The following CFAP44 variants were observed in gnomAD, a reference collection of about 807,000 sequenced individuals.
The protein encoded by CFAP44 is cilia- and flagella-associated protein 44.
In CFAP44, 134 loss-of-function variants were observed where a neutral mutation model predicts 216.2. The observed-to-expected ratio is 0.62, with a 90% CI of 0.54 to 0.72. The LOEUF is 0.72. Ranked by LOEUF, CFAP44 falls within the 30% of genes least tolerant of loss-of-function variation. The pLI, the probability that CFAP44 is intolerant of heterozygous loss-of-function variation, is 0.00. For missense variants in CFAP44, 2,035 were observed against 2,182.1 expected (o/e 0.93, Z 1.34); for synonymous variants, 700 against 727.6 (o/e 0.96, Z 0.61).
chr3:113,419,984 T>C (rs567127048), intron 5 of CFAP44, 33 bp downstream of exon 5: 3 of 1,603,186 alleles, frequency 1.9e-6, no homozygotes, highest in East Asian at 2.2e-5. Context: ...ATAGGGTTTT[T>C]TGGGGTTTTT....
chr3:113,361,711 G>A (rs1950543216), intron 21 of CFAP44, among the ~76,000 whole-genome samples: 1 of 151,698 alleles, frequency 6.6e-6, no homozygotes, highest in Non-Finnish European at 1.5e-5. Context: ...TGTTAGCCAG[G>A]ATGCTCTCGA....
In CFAP44 at chr3:113,400,533, GTTCCTAC is replaced by G. The variant is rs1934112536; in HGVS notation, c.1474+5_1474+11del. On this transcript the variant is annotated splice_donor_5th_base_variant and intron_variant, in intron 12 of 34. Coordinates refer to ENST00000393845, the MANE Select transcript of CFAP44 (RefSeq NM_001164496.2). ...AAGGCCAGACATATTTTTATTAAGAGTTCCTACTTACAGTCCAAGGCAGTTGTGGCCA... is the reference window on the plus strand; with the variant it reads ...AAGGCCAGACATATTTTTATTAAGAGTTACAGTCCAAGGCAGTTGTGGCCA... 1 of 1,550,098 alleles carries G rather than the reference GTTCCTAC, an allele frequency of 6.5e-7. No individual in the cohort carries two copies. Among genetic ancestry groups the G allele is most frequent in the Non-Finnish European group, 8.7e-7 (1 of 1,150,988 alleles).
intron 1 of CFAP44, among the ~76,000 whole-genome samples, chr3:113,440,585 CTG>C (rs1396458809): frequency 1.3e-5 from 2 of 152,144 alleles, no homozygotes; most frequent in Admixed American, 6.6e-5. Context: ...CCAGTCCTCA[CTG>C]TGTCTCACCT....
chr3:113,373,339 T>C, intron 18 of CFAP44, 72 bp downstream of exon 18: 11 of 1,312,316 alleles, frequency 8.4e-6, no homozygotes, highest in Non-Finnish European at 1.1e-5. Flanking sequence ...AAATTGACAA[T>C]ATCCATGATG....
In CFAP44 at chr3:113,430,344, C is replaced by G. The variant is rs995685571; in HGVS notation, c.101-3005G>C. ...GCAGTCCTTGGAAGGAAATTTATAG[C>G]TTTCAATACATATGTAAGAAAAGAA... On this transcript the variant is annotated intron_variant, in intron 2 of 34. Transcript: ENST00000393845. Among the ~76,000 whole-genome samples, 5 of 147,640 alleles carry G rather than the reference C, an allele frequency of 3.4e-5. No homozygotes were observed. In the South Asian group the frequency reaches 1.1e-3, roughly 32 times the overall value.
At chr3:113,362,743 T>C in intron 21 of CFAP44, 1 of 348,000 alleles carries the variant, frequency 2.9e-6, no homozygotes, top group South Asian at 6.2e-5. Context: ...AAAGATCAAA[T>C]CGGGATGACG....
rs1179473842 is a variant in CFAP44 at position 113,400,636 on chromosome 3, G to T, written c.1383C>A (p.Asp461Glu). 6.2e-7 allele frequency: 1 copy of T among 1,609,564 alleles called. No individual in the cohort carries two copies. Among genetic ancestry groups the T allele is most frequent in the African/African-American group, 1.3e-5 (1 of 74,306 alleles). ...AATGGAAGGAGAAGAGGCATTCTGG[G>T]TCCTGGGTCTGAGAATAGATAGACA... is the stretch of plus-strand genomic sequence containing the variant. ...LDLSFSNITQ[D>E]PECLFSFHSG... The change falls in exon 12 of 35, where the codon GAC (aspartate) becomes GAA (glutamate). Residue 461 changes from aspartate to glutamate, a missense_variant. Transcript: ENST00000393845.
intron 18 of CFAP44, among the ~76,000 whole-genome samples, chr3:113,368,795 C>A (rs1269805400): frequency 6.6e-6 from 1 of 152,132 alleles, no homozygotes; most frequent in African/African-American, 2.4e-5. Context: ...TACAAACTGG[C>A]AAATTGGATA....
intron 25 of CFAP44, among the ~76,000 whole-genome samples, chr3:113,333,103 G>T (rs1950254443): frequency 6.6e-6 from 1 of 152,150 alleles, no homozygotes; most frequent in Non-Finnish European, 1.5e-5. Flanking sequence ...AGATATCCTT[G>T]ATGACCCTGC....
chr3:113,383,257 C>T (rs906953849), intron 15 of CFAP44, among the ~76,000 whole-genome samples: 1 of 152,150 alleles, frequency 6.6e-6, no homozygotes, highest in African/African-American at 2.4e-5. Context: ...ATTCATTTCT[C>T]AGAGTTCTAG....
At chr3:113,400,315 C>G (rs1377853400) in intron 12 of CFAP44, among the ~76,000 whole-genome samples, 1 of 152,022 alleles carries the variant, frequency 6.6e-6, no homozygotes, top group African/African-American at 2.4e-5. Context: ...TCAAAACGAG[C>G]AGCATTTTCA....
At chr3:113,373,043 G>A (rs1349202327) in intron 18 of CFAP44, among the ~76,000 whole-genome samples, 2 of 152,136 alleles carry the variant, frequency 1.3e-5, no homozygotes, top group Non-Finnish European at 2.9e-5. Flanking sequence ...AAGAATAACT[G>A]GCATATTTGC....
intron 2 of CFAP44, among the ~76,000 whole-genome samples, chr3:113,430,447 A>G (rs531086507): frequency 4.7e-4 from 68 of 145,420 alleles, no homozygotes; most frequent in Admixed American, 4.1e-4. Context: ...AAAAAAAAAC[A>G]AAGTAAATTA....
intron 16 of CFAP44, 101 bp downstream of exon 16, chr3:113,380,798 G>T: frequency 9.7e-7 from 1 of 1,035,324 alleles, no homozygotes; most frequent in Non-Finnish European, 1.3e-6. Context: ...CAGGGCCTAT[G>T]TTTTATTCTT....
At chr3:113,383,873 T>C (rs1483899714) in intron 15 of CFAP44, among the ~76,000 whole-genome samples, 2 of 152,122 alleles carry the variant, frequency 1.3e-5, no homozygotes, top group African/African-American at 4.8e-5. Context: ...CTACATTAGG[T>C]ATTTCTCCTA....
At chr3:113,318,289 A>G (rs546833499) in intron 28 of CFAP44, among the ~76,000 whole-genome samples, 1 of 152,230 alleles carries the variant, frequency 6.6e-6, no homozygotes, top group South Asian at 2.1e-4. Flanking sequence ...CAAGAATTTC[A>G]TAATATGATT....
chr3:113,311,715 C>G (rs7622062), intron 28 of CFAP44, among the ~76,000 whole-genome samples: 9,527 of 152,110 alleles, frequency 0.063, 620 homozygotes, highest in African/African-American at 0.15. Flanking sequence ...GAGGTTGGAA[C>G]AGTTTGGAGG....
At position 113,341,774 on chromosome 3, in the gene CFAP44, A is replaced by G. The variant is rs905536789; in HGVS notation, c.3407T>C (p.Ile1136Thr). The G allele has an allele frequency of 6.6e-7, 1 of 1,506,394 alleles. No homozygotes were observed. The highest frequency in any genetic ancestry group is 8.8e-7 in the Non-Finnish European group (1 of 1,138,412). The allele number at this position is 1,506,394 out of a possible 1,614,324, so 93.3% of individuals were successfully genotyped here. Residue 1136 changes from isoleucine (I) to threonine (T), a missense_variant, in exon 24 of 35, where the codon ATT (isoleucine) becomes ACT (threonine). This residue lies in a region of CFAP44 where 1,883 missense variants were observed against 2,023.7 expected (regional missense o/e 0.93). Coordinates refer to ENST00000393845, the MANE Select transcript of CFAP44 (RefSeq NM_001164496.2). ...CTCCCATTCTTTTTTTCGCTGTTGA[A>G]TCTTTAGTTGTGCCCTTTCAGCTTT... ...ILKAERAQLKIQQRKKEWEEL... is the reference protein window; with the variant it reads ...ILKAERAQLKTQQRKKEWEEL...
At chr3:113,300,979 C>A (rs1416675513) in intron 32 of CFAP44, among the ~76,000 whole-genome samples, 1 of 152,020 alleles carries the variant, frequency 6.6e-6, no homozygotes, top group South Asian at 2.1e-4. Context: ...GCCCTACGAC[C>A]CAGCTGTTCT....
Sources: allele counts gnomAD v4.1 joint callset (sites outside exome capture counted in the v4.1 genomes callset), GRCh38; gene constraint gnomAD v4.1.1; regional missense constraint gnomAD v4.1.1; transcripts MANE v1.5; gene names NCBI Gene and HGNC (gene_info 2026-07-23, HGNC 2026-07-21).